The following PDE6C variants were observed in gnomAD, a reference collection of about 807,000 sequenced individuals.
The protein encoded by PDE6C is cone cGMP-specific 3',5'-cyclic phosphodiesterase subunit alpha'.
In PDE6C, 75 loss-of-function variants were observed where a neutral mutation model predicts 113.1. The observed-to-expected ratio is 0.66, with a 90% CI of 0.55 to 0.80. The LOEUF is 0.80. PDE6C is among the 30% of genes least tolerant of loss of function. PDE6C has a pLI of 0.00. For missense variants in PDE6C, 912 were observed against 1,038.6 expected (o/e 0.88, Z 1.67); for synonymous variants, 375 against 363.7 (o/e 1.03, Z -0.35).
chr10:93,653,049 C>T (rs2058616730), intron 15 of PDE6C, among the ~76,000 whole-genome samples: 1 of 152,048 alleles, frequency 6.6e-6, no homozygotes, highest in Non-Finnish European at 1.5e-5. Flanking sequence ...TATTAATTTG[C>T]CAAGTATGTA....
intron 1 of PDE6C, among the ~76,000 whole-genome samples, chr10:93,616,007 G>T (rs1020936968): frequency 6.6e-6 from 1 of 152,182 alleles, no homozygotes; most frequent in African/African-American, 2.4e-5. Flanking sequence ...TGCTTTAGCC[G>T]CTGCAGTAAG....
Position 93,620,622 on chromosome 10 carries a change from T to A in PDE6C, c.481-10T>A, listed in dbSNP as rs777188612. ...TGCCACTTTGACAAATATGTGACTG[T>A]CTCTTTCAGAACAGCCATTTTTCTG... is the stretch of plus-strand genomic sequence containing the variant. On this transcript the variant is annotated splice_polypyrimidine_tract_variant and intron_variant, in intron 1 of 21. Transcript: ENST00000371447. 2 of 1,613,976 alleles carry A rather than the reference T, an allele frequency of 1.2e-6. No individual in the cohort carries two copies. Among genetic ancestry groups the A allele is most frequent in the Admixed American group, 3.3e-5 (2 of 60,014 alleles).
intron 8 of PDE6C, among the ~76,000 whole-genome samples, chr10:93,629,906 T>C (rs1427052204): frequency 6.6e-6 from 1 of 152,112 alleles, no homozygotes; most frequent in African/African-American, 2.4e-5. Flanking sequence ...TAACAGGCCA[T>C]GGGCCAGTAC....
intron 14 of PDE6C, among the ~76,000 whole-genome samples, chr10:93,644,826 A>G (rs2058575775): frequency 1.4e-5 from 2 of 146,978 alleles, no homozygotes; most frequent in South Asian, 4.2e-4. Context: ...ATAGTACTAT[A>G]TATATACTAT....
chr10:93,661,899 T>C (rs1478582313), intron 18 of PDE6C, among the ~76,000 whole-genome samples, 160 bp from the exon 19 acceptor site: 2 of 152,198 alleles, frequency 1.3e-5, no homozygotes, highest in African/African-American at 4.8e-5. Context: ...CATTTCAATA[T>C]AATCTGTAAA....
rs2058398143 is a variant in PDE6C, at chr10:93,612,859, A to G, written c.134A>G (p.Gln45Arg). The stretch of plus-strand genomic sequence containing the variant: ...TTCAAGAACAGCCAGGTGCCAGTCC[A>G]GTCCAGCATGTCCTTCTCTGAGCTG... ...EIFKNSQVPV[Q>R]SSMSFSELTQ... is the part of the protein sequence containing the mutation. Residue 45 changes from glutamine (Q) to arginine (R), a missense_variant, in exon 1 of 22, where the codon CAG (glutamine) becomes CGG (arginine). By Grantham distance (43) the Gln-to-Arg change is conservative. Transcript: ENST00000371447. The G allele has an allele frequency of 6.2e-7, 1 of 1,614,082 alleles. No individual in the cohort carries two copies. The highest frequency in any genetic ancestry group is 1.7e-5 in the Admixed American group (1 of 60,004).
intron 16 of PDE6C, among the ~76,000 whole-genome samples, chr10:93,657,533 T>A (rs2058644549): frequency 6.6e-6 from 1 of 152,068 alleles, no homozygotes; most frequent in Non-Finnish European, 1.5e-5. Flanking sequence ...TGTCTGTACA[T>A]ACCTTTCTGC....
At chr10:93,661,938 C>CG in intron 18 of PDE6C, 121 bp from the exon 19 acceptor site, 1 of 743,472 alleles carries the variant, frequency 1.3e-6, no homozygotes, top group Non-Finnish European at 2.5e-6. Context: ...TAAGAGCATA[C>CG]GGTTTGATAG....
chr10:93,613,655 C>T (rs903608420), intron 1 of PDE6C, among the ~76,000 whole-genome samples: 3 of 152,168 alleles, frequency 2.0e-5, no homozygotes, highest in Non-Finnish European at 4.4e-5. Flanking sequence ...CACAGTCCTT[C>T]GAAAACATTC....
chr10:93,622,639 GTTTTT>G lies in PDE6C; in HGVS notation c.864+573_864+577del, dbSNP rs67350128. Reference sequence around the variant, plus strand: ...CCTTCCAAACTCCTGGTAGCCACAGGTTTTTTTTTTGTTTTTTTTTTTGTTGTTTT... The same window carrying G: ...CCTTCCAAACTCCTGGTAGCCACAGGTTTTTGTTTTTTTTTTTGTTGTTTT... On this transcript the variant is annotated intron_variant, in intron 4 of 21. Transcript: ENST00000371447. Among the ~76,000 whole-genome samples, 36 of 113,988 alleles carry G rather than the reference GTTTTT, an allele frequency of 3.2e-4. No individual in the cohort carries two copies. The East Asian group carries it at 7.5e-3, about 24-fold the overall frequency. 74.8% of individuals were successfully genotyped at this position (113,988 alleles called of 152,430 possible).
At chr10:93,655,079 G>C (rs1589704407) in intron 15 of PDE6C, among the ~76,000 whole-genome samples, 2 of 151,938 alleles carry the variant, frequency 1.3e-5, no homozygotes, top group East Asian at 3.9e-4. Flanking sequence ...GCCTCCCAAA[G>C]TGCTACAAGC....
chr10:93,621,653 T>G (rs530335879), intron 3 of PDE6C, among the ~76,000 whole-genome samples: 1 of 152,206 alleles, frequency 6.6e-6, no homozygotes, highest in South Asian at 2.1e-4. Context: ...GCATCCCATT[T>G]CAGGGCACTT....
At chr10:93,621,026 C>A in intron 3 of PDE6C, 46 bp downstream of exon 3, 1 of 1,505,846 alleles carries the variant, frequency 6.6e-7, no homozygotes, top group Non-Finnish European at 9.2e-7. Flanking sequence ...CCTATTCTGA[C>A]AAAGCCGCCC....
At chr10:93,662,187 G>A (rs1431829792) in intron 19 of PDE6C, 54 bp downstream of exon 19, 11 of 1,169,896 alleles carry the variant, frequency 9.4e-6, no homozygotes, top group Middle Eastern at 1.9e-4. Flanking sequence ...AGGACAGGCC[G>A]GGCGCGGTGG....
intron 3 of PDE6C, 134 bp from the exon 4 acceptor site, chr10:93,621,798 C>A: frequency 1.2e-6 from 1 of 815,424 alleles, no homozygotes; most frequent in Non-Finnish European, 2.0e-6. Context: ...TACACATGTT[C>A]AAAATCAGAA....
chr10:93,647,430 C>T (rs1046464570), intron 15 of PDE6C, among the ~76,000 whole-genome samples: 1 of 152,116 alleles, frequency 6.6e-6, no homozygotes, highest in African/African-American at 2.4e-5. Context: ...GCAGGAAAAT[C>T]TCATAAGGCA....
intron 20 of PDE6C, 150 bp from the exon 21 acceptor site, chr10:93,662,878 C>T: frequency 1.4e-6 from 1 of 729,064 alleles, no homozygotes; most frequent in South Asian, 1.7e-5. Context: ...CAGCACGTGT[C>T]TCTTTCCCAA....
At chr10:93,660,728 C>T (rs191708792) in intron 18 of PDE6C, among the ~76,000 whole-genome samples, 37 of 152,238 alleles carry the variant, frequency 2.4e-4, no homozygotes, top group African/African-American at 7.7e-4. Context: ...TGTTCTTTAT[C>T]GATGAGGTCA....
At chr10:93,636,567 C>T (rs1443016691) in intron 10 of PDE6C, among the ~76,000 whole-genome samples, 1 of 151,722 alleles carries the variant, frequency 6.6e-6, no homozygotes, top group Non-Finnish European at 1.5e-5. Context: ...TAAATGTAAG[C>T]CACTCATTTT....
Sources: allele counts gnomAD v4.1 joint callset (sites outside exome capture counted in the v4.1 genomes callset), GRCh38; gene constraint gnomAD v4.1.1; transcripts MANE v1.5; gene names NCBI Gene and HGNC (gene_info 2026-07-23, HGNC 2026-07-21).